Variants in CNBD1 observed in about 807,000 individuals in gnomAD.
The protein encoded by CNBD1 is cyclic nucleotide binding domain containing 1.
In CNBD1, 71 loss-of-function variants were observed where a neutral mutation model predicts 54.4. That is an observed-to-expected ratio of 1.30 (90% confidence interval 1.08 to 1.59). The LOEUF (loss-of-function observed/expected upper bound fraction) is 1.59. CNBD1 is among the 40% of genes most tolerant of loss of function. CNBD1 has a pLI of 0.00. For missense variants in CNBD1, 659 were observed against 518.0 expected (o/e 1.27, Z -2.64); for synonymous variants, 182 against 170.7 (o/e 1.07, Z -0.51).
intron 2 of CNBD1, among the ~76,000 whole-genome samples, chr8:87,420,770 T>A (rs573929409): frequency 6.6e-6 from 1 of 151,306 alleles, no homozygotes; most frequent in African/African-American, 2.5e-5. Flanking sequence ...TGCTTGATTT[T>A]CTTCTTTTTT....
intron 5 of CNBD1, among the ~76,000 whole-genome samples, chr8:87,218,074 G>A (rs1216737598): frequency 1.3e-5 from 2 of 152,000 alleles, no homozygotes; most frequent in East Asian, 1.9e-4. Flanking sequence ...ATACCTATGG[G>A]TGTAAGAACC....
intron 4 of CNBD1, among the ~76,000 whole-genome samples, chr8:87,083,674 C>T (rs553429309): frequency 8.6e-5 from 13 of 150,530 alleles, no homozygotes; most frequent in Non-Finnish European, 1.3e-4. Context: ...GTGCAAGCTC[C>T]GCCTCCCGGG....
At position 87,244,892 on chromosome 8, in the gene CNBD1, T is replaced by C. The variant is rs528841135; in HGVS notation, c.771+7780T>C. Among the ~76,000 whole-genome samples, 11 of 152,328 alleles carry C rather than the reference T, an allele frequency of 7.2e-5. No homozygotes were observed. The South Asian group carries it at 2.3e-3, about 32-fold the overall frequency. On this transcript the variant is annotated intron_variant, in intron 6 of 10. Transcript: ENST00000518476. ...ATTGCAACTGATAGAGGATTTAATC[T>C]ATATTGATTAAAGTTCAGTTTTATT...
chr8:87,371,965 A>G (rs1810815487), intron 10 of CNBD1, among the ~76,000 whole-genome samples: 1 of 151,866 alleles, frequency 6.6e-6, no homozygotes, highest in Non-Finnish European at 1.5e-5. Context: ...CCTATTCAAC[A>G]TAGTGTTGGA....
chr8:87,223,294 G>A (rs1814387198), intron 5 of CNBD1, among the ~76,000 whole-genome samples: 3 of 150,698 alleles, frequency 2.0e-5, no homozygotes. Flanking sequence ...ACATTGTGCA[G>A]GTTAGTTACA....
chr8:87,268,173 T>C (rs533321143), intron 6 of CNBD1, among the ~76,000 whole-genome samples: 7 of 152,242 alleles, frequency 4.6e-5, no homozygotes, highest in South Asian at 4.1e-4. Flanking sequence ...ATTCAATGTT[T>C]AGCTCCCACT....
chr8:87,382,575 A>T (rs1217193469), intron 10 of CNBD1, 45 bp from the exon 11 acceptor site: 1 of 1,486,898 alleles, frequency 6.7e-7, no homozygotes, highest in Non-Finnish European at 9.2e-7. Flanking sequence ...ACCAAAAATG[A>T]GTATTTATTA....
intron 4 of CNBD1, among the ~76,000 whole-genome samples, chr8:87,038,142 T>C (rs1435130959): frequency 6.6e-6 from 1 of 152,212 alleles, no homozygotes; most frequent in Non-Finnish European, 1.5e-5. Flanking sequence ...TGTAAATATC[T>C]TGGTGTCATC....
intron 4 of CNBD1, among the ~76,000 whole-genome samples, chr8:87,095,741 T>C (rs543633076): frequency 6.6e-6 from 1 of 152,302 alleles, no homozygotes; most frequent in South Asian, 2.1e-4. Context: ...CACTGAAAGC[T>C]CTGCCTCCTG....
chr8:87,045,684 C>T (rs1411790061), intron 4 of CNBD1, among the ~76,000 whole-genome samples: 5 of 143,814 alleles, frequency 3.5e-5, no homozygotes, highest in Non-Finnish European at 6.0e-5. Flanking sequence ...AAGATTGCGC[C>T]ACTGCACTCC....
At chr8:87,331,785 G>A (rs1397933460) in intron 8 of CNBD1, among the ~76,000 whole-genome samples, 2 of 152,100 alleles carry the variant, frequency 1.3e-5, no homozygotes, top group East Asian at 3.9e-4. Flanking sequence ...TCTCACTGTG[G>A]TTTTGATATG....
At chr8:87,014,823 G>A (rs748292016) in intron 4 of CNBD1, among the ~76,000 whole-genome samples, 1 of 151,490 alleles carries the variant, frequency 6.6e-6, no homozygotes, top group Non-Finnish European at 1.5e-5. Flanking sequence ...AATAATAGAT[G>A]CAAAGAAAGT....
intron 4 of CNBD1, among the ~76,000 whole-genome samples, chr8:86,996,233 C>A (rs898761869): frequency 6.6e-6 from 1 of 152,100 alleles, no homozygotes. Context: ...GTTTTGGGCA[C>A]CTAGCTATGC....
intron 8 of CNBD1, among the ~76,000 whole-genome samples, chr8:87,349,009 T>C (rs751787403): frequency 6.6e-6 from 1 of 152,320 alleles, no homozygotes; most frequent in South Asian, 2.1e-4. Flanking sequence ...TGAGTCTTGA[T>C]AAGGGTCTTT....
At chr8:87,365,117 A>T (rs1368514906) in intron 10 of CNBD1, among the ~76,000 whole-genome samples, 2 of 152,096 alleles carry the variant, frequency 1.3e-5, no homozygotes, top group Non-Finnish European at 2.9e-5. Context: ...CCAACAGTGT[A>T]TAAGTGTCCC....
At chr8:87,388,763 T>C (rs980601195) in intron 2 of CNBD1, among the ~76,000 whole-genome samples, 4 of 152,044 alleles carry the variant, frequency 2.6e-5, no homozygotes, top group Non-Finnish European at 5.9e-5. Context: ...AGGCCTACAT[T>C]ATCCTGATAC....
chr8:87,291,499 G>A (rs1339061432), intron 8 of CNBD1, among the ~76,000 whole-genome samples: 4 of 151,838 alleles, frequency 2.6e-5, no homozygotes, highest in Admixed American at 6.6e-5. Flanking sequence ...TTACATATCC[G>A]CCTCCTTCTT....
At chr8:86,898,848 T>G (rs1808889309) in intron 2 of CNBD1, among the ~76,000 whole-genome samples, 1 of 152,154 alleles carries the variant, frequency 6.6e-6, no homozygotes. Context: ...AATCTTCTGC[T>G]CTGTCAAAGA....
intron 4 of CNBD1, among the ~76,000 whole-genome samples, chr8:86,959,629 A>G (rs1168879253): frequency 6.6e-6 from 1 of 151,968 alleles, no homozygotes; most frequent in African/African-American, 2.4e-5. Context: ...CCTTTCTTCC[A>G]CTTGATTGAA....
Sources: gnomAD v4.1 joint callset for allele counts (sites outside exome capture counted in the v4.1 genomes callset) on GRCh38, gnomAD v4.1.1 for gene constraint, MANE v1.5 for transcripts, NCBI Gene and HGNC (gene_info 2026-07-23, HGNC 2026-07-21) for gene names.